Variants in TENM4 observed in about 807,000 individuals in gnomAD.
TENM4 encodes teneurin transmembrane protein 4.
In TENM4, 82 loss-of-function variants were observed where a neutral mutation model predicts 243.3. The ratio of observed to expected loss-of-function variants is 0.34; its 90% CI spans 0.28 to 0.40. The LOEUF (loss-of-function observed/expected upper bound fraction) is 0.40. Ranked by LOEUF, TENM4 falls within the 10% of genes least tolerant of loss-of-function variation. The probability of loss-of-function intolerance (pLI) is 1.00; values close to 1 mark genes in which losing one functional copy is unlikely to be tolerated. For missense variants in TENM4, 3,138 were observed against 3,673.3 expected (o/e 0.85, Z 3.77); for synonymous variants, 1,412 against 1,456.3 (o/e 0.97, Z 0.69).
At chr11:78,824,248 C>T (rs1857800346) in intron 12 of TENM4, among the ~76,000 whole-genome samples, 1 of 152,164 alleles carries the variant, frequency 6.6e-6, no homozygotes, top group Non-Finnish European at 1.5e-5. Context: ...GGAAGCATAA[C>T]ACCGGCATCT....
At chr11:78,970,775 A>G (rs1207586116) in intron 6 of TENM4, among the ~76,000 whole-genome samples, 1 of 152,250 alleles carries the variant, frequency 6.6e-6, no homozygotes, top group Non-Finnish European at 1.5e-5. Context: ...TGTAGGATAT[A>G]AATGACTTAA....
intron 6 of TENM4, among the ~76,000 whole-genome samples, chr11:78,938,023 G>C (rs987024416): frequency 7.9e-5 from 12 of 152,140 alleles, no homozygotes; most frequent in African/African-American, 2.7e-4. Flanking sequence ...ACAACCCCCA[G>C]GCTCACTTCT....
At chr11:78,661,367 C>G in intron 33 of TENM4, 82 bp downstream of exon 33, 1 of 1,519,716 alleles carries the variant, frequency 6.6e-7, no homozygotes, top group South Asian at 1.3e-5. Flanking sequence ...ATCACTGGCC[C>G]ATGCTTTTCT....
intron 3 of TENM4, among the ~76,000 whole-genome samples, chr11:79,162,190 G>C (rs1007656811): frequency 6.6e-6 from 1 of 152,200 alleles, no homozygotes; most frequent in African/African-American, 2.4e-5. Flanking sequence ...AATTGGTGGA[G>C]GGCAGTGGTC....
chr11:79,239,470 G>A (rs191241815), intron 2 of TENM4, among the ~76,000 whole-genome samples: 43 of 152,252 alleles, frequency 2.8e-4, no homozygotes, highest in Non-Finnish European at 5.6e-4. Context: ...TGAGGTTCAG[G>A]AAGGTTAATT....
intron 3 of TENM4, among the ~76,000 whole-genome samples, chr11:79,150,556 A>C (rs564749795): frequency 6.6e-6 from 1 of 152,256 alleles, no homozygotes; most frequent in African/African-American, 2.4e-5. Context: ...ACTCTTCACA[A>C]ATCGTTGCCT....
At chr11:78,672,460 C>A in intron 30 of TENM4, 131 bp from the exon 31 acceptor site, 1 of 940,214 alleles carries the variant, frequency 1.1e-6, no homozygotes, top group Non-Finnish European at 1.6e-6. Flanking sequence ...TGCGCAGCAA[C>A]AGACATGGGT....
At chr11:79,288,977 G>A (rs1269342417) in intron 2 of TENM4, among the ~76,000 whole-genome samples, 3 of 152,122 alleles carry the variant, frequency 2.0e-5, no homozygotes, top group Non-Finnish European at 2.9e-5. Context: ...TGTGGTGAGA[G>A]GCCATCATAA....
chr11:79,300,442 ACT>A lies in TENM4; in HGVS notation c.-320-2901_-320-2900del, dbSNP rs141106883. Among the ~76,000 whole-genome samples the A allele has an allele frequency of 1.4e-3, 216 of 152,230 alleles. 3 individuals are homozygous for A. In the East Asian group the frequency reaches 0.035, roughly 25 times the overall value. Reference sequence around the variant, plus strand: ...TTTCTAATTTTTCACTAGTGTAAATACTCTAATATCTTTGTACATATTTCTTG... The same window carrying A: ...TTTCTAATTTTTCACTAGTGTAAATACTAATATCTTTGTACATATTTCTTG... On this transcript the variant is annotated intron_variant, in intron 1 of 33. Transcript: ENST00000278550.
intron 1 of TENM4, among the ~76,000 whole-genome samples, chr11:79,370,707 G>A (rs558677007): frequency 7.1e-6 from 1 of 139,954 alleles, no homozygotes; most frequent in South Asian, 2.3e-4. Flanking sequence ...GTGACCTGGA[G>A]GTCACTTCTT....
At chr11:78,932,270 C>T (rs979934740) in intron 6 of TENM4, among the ~76,000 whole-genome samples, 52 of 152,292 alleles carry the variant, frequency 3.4e-4, no homozygotes, top group Admixed American at 7.2e-4. Flanking sequence ...TCACCACCAC[C>T]CCCAGGTTGT....
intron 6 of TENM4, among the ~76,000 whole-genome samples, chr11:78,977,956 A>C (rs576375505): frequency 1.3e-5 from 2 of 152,314 alleles, no homozygotes; most frequent in Admixed American, 6.5e-5. Context: ...AGCCAACCCA[A>C]ATGCTCATCA....
At chr11:79,374,893 A>G (rs144563045) in intron 1 of TENM4, among the ~76,000 whole-genome samples, 2 of 152,308 alleles carry the variant, frequency 1.3e-5, no homozygotes, top group African/African-American at 2.4e-5. Flanking sequence ...CACGCACTTC[A>G]TGGGAGTTCT....
At chr11:79,133,837 G>A (rs1210965205) in intron 4 of TENM4, among the ~76,000 whole-genome samples, 1 of 152,038 alleles carries the variant, frequency 6.6e-6, no homozygotes, top group Non-Finnish European at 1.5e-5. Context: ...AGCATACAAG[G>A]GAGATACCTC....
intron 4 of TENM4, among the ~76,000 whole-genome samples, chr11:79,128,011 CCAAAAGG>C (rs1861918636): frequency 6.6e-6 from 1 of 152,060 alleles, no homozygotes; most frequent in African/African-American, 2.4e-5. Flanking sequence ...ATTGAGTGAC[CCAAAAGG>C]CTGCCAGTTT....
intron 17 of TENM4, among the ~76,000 whole-genome samples, chr11:78,773,698 T>C (rs921823825): frequency 4.6e-5 from 7 of 152,198 alleles, no homozygotes; most frequent in Non-Finnish European, 8.8e-5. Context: ...TGAATAAGCA[T>C]GGCTGTGCTC....
At chr11:79,230,681 A>AT (rs1413269530) in intron 2 of TENM4, among the ~76,000 whole-genome samples, 1 of 152,220 alleles carries the variant, frequency 6.6e-6, no homozygotes, top group African/African-American at 2.4e-5. Flanking sequence ...GATCTAAGGC[A>AT]TTTTTTACTG....
At chr11:78,750,548 G>A (rs148266067) in intron 19 of TENM4, among the ~76,000 whole-genome samples, 77 of 152,368 alleles carry the variant, frequency 5.1e-4, no homozygotes, top group Middle Eastern at 3.4e-3. Flanking sequence ...AAGCAAAGCT[G>A]TAGGAGAGGC....
chr11:78,967,519 C>T (rs929818634), intron 6 of TENM4, among the ~76,000 whole-genome samples: 4 of 152,190 alleles, frequency 2.6e-5, no homozygotes, highest in African/African-American at 7.2e-5. Context: ...GCTCTTTAAA[C>T]ATAAGGCTCC....
Sources: allele counts gnomAD v4.1 joint callset (sites outside exome capture counted in the v4.1 genomes callset), GRCh38; gene constraint gnomAD v4.1.1; transcripts MANE v1.5; gene names NCBI Gene and HGNC (gene_info 2026-07-23, HGNC 2026-07-21).